Variants in B4GALT5 observed in about 807,000 individuals in gnomAD.
The protein encoded by B4GALT5 is UDP-Gal:beta-GlcNAc beta-1,4-galactosyltransferase 5.
A neutral mutation model predicts 45.0 loss-of-function variants in B4GALT5; 11 were observed. That is an observed-to-expected ratio of 0.24 (90% CI 0.15 to 0.40). The LOEUF (loss-of-function observed/expected upper bound fraction) is 0.40, where lower values mean the gene tolerates loss of function less well. Ranked by LOEUF, B4GALT5 falls within the 10% of genes least tolerant of loss-of-function variation. B4GALT5 has a pLI of 1.00. For synonymous variants in B4GALT5, 185 were observed against 182.9 expected, an observed-to-expected ratio of 1.01 and a Z score of -0.09; for missense variants, 337 against 500.2, an observed-to-expected ratio of 0.67 and a Z score of 3.11.
chr20:49,692,800 G>A (rs2085820583), intron 1 of B4GALT5, among the ~76,000 whole-genome samples: 1 of 152,102 alleles, frequency 6.6e-6, no homozygotes, highest in African/African-American at 2.4e-5. Context: ...GTTCAATTAT[G>A]TTTTTGAAAA....
Position 49,646,992 on chromosome 20 carries a change from T to C in B4GALT5, c.337A>G (p.Thr113Ala). 1.9e-6 allele frequency: 3 copies of C among 1,613,534 alleles called. No individual in the cohort carries two copies. The highest frequency in any genetic ancestry group is 2.5e-6 in the Non-Finnish European group (3 of 1,179,566). ...ATGGAAGGGAGTCTTTCAGGGCAGG[T>C]ATGGTTTGCAAAGTAGGTGAAGTCT... ...PEDFTYFANH[T>A]CPERLPSMKG... is the part of the protein sequence containing the mutation. Residue 113 changes from threonine to alanine, a missense_variant, in exon 3 of 9, where the codon ACC becomes GCC. By Grantham distance (58) the Thr-to-Ala change is moderately conservative. Around this residue, in one of 2 missense-constraint regions of B4GALT5, gnomAD observed 174 missense variants for 207.4 expected, o/e 0.84. Coordinates refer to ENST00000371711, the MANE Select transcript of B4GALT5 (RefSeq NM_004776.4).
At chr20:49,677,900 C>T (rs1315759375) in intron 1 of B4GALT5, among the ~76,000 whole-genome samples, 1 of 152,182 alleles carries the variant, frequency 6.6e-6, no homozygotes, top group African/African-American at 2.4e-5. Flanking sequence ...CATGTGCCAC[C>T]ATGCCCAGCT....
chr20:49,688,313 A>C (rs1012132742), intron 1 of B4GALT5, among the ~76,000 whole-genome samples: 12 of 152,210 alleles, frequency 7.9e-5, no homozygotes, highest in African/African-American at 2.9e-4. Context: ...TGTACTAAGA[A>C]GACAAAGATT....
At chr20:49,697,970 A>T (rs1329330937) in intron 1 of B4GALT5, among the ~76,000 whole-genome samples, 1 of 152,198 alleles carries the variant, frequency 6.6e-6, no homozygotes, top group Non-Finnish European at 1.5e-5. Flanking sequence ...GAGGTTAGAA[A>T]AATTACTTTT....
intron 1 of B4GALT5, among the ~76,000 whole-genome samples, chr20:49,669,603 G>C (rs1400824836): frequency 6.6e-6 from 1 of 151,718 alleles, no homozygotes; most frequent in Non-Finnish European, 1.5e-5. Flanking sequence ...GGCTGAGAAA[G>C]GAGAATCACT....
chr20:49,690,832 A>G (rs920064922), intron 1 of B4GALT5, among the ~76,000 whole-genome samples: 1 of 152,160 alleles, frequency 6.6e-6, no homozygotes, highest in African/African-American at 2.4e-5. Context: ...AATATCCTAG[A>G]GAAGAATCCT....
Position 49,642,518 on chromosome 20 carries a change from G to A in B4GALT5, c.556C>T (p.Pro186Ser), listed in dbSNP as rs1430069480. 6.2e-7 allele frequency: 1 copy of A among 1,614,216 alleles called. No individual in the cohort carries two copies. The highest frequency in any genetic ancestry group is 1.7e-5 in the Admixed American group (1 of 60,030). The part of the protein sequence containing the change: ...HLPVLFRHLL[P>S]MLQRQRLQFA... ...TGCAAGCGCTGGCGCTGGAGCATGGGAAGCAGGTGTCTGAACAGGACTGGG... is the reference window on the plus strand; with the variant it reads ...TGCAAGCGCTGGCGCTGGAGCATGGAAAGCAGGTGTCTGAACAGGACTGGG... Residue 186 changes from proline to serine, a missense_variant, in exon 5 of 9, where the codon CCC becomes TCC. Around this residue, in one of 2 missense-constraint regions of B4GALT5, gnomAD observed 163 missense variants for 292.8 expected, o/e 0.56. Coordinates refer to ENST00000371711, the MANE Select transcript of B4GALT5 (RefSeq NM_004776.4).
chr20:49,687,962 G>A (rs1049159941), intron 1 of B4GALT5, among the ~76,000 whole-genome samples: 7 of 152,032 alleles, frequency 4.6e-5, no homozygotes, highest in Admixed American at 1.3e-4. Flanking sequence ...GACACAATCC[G>A]GAAGGGTAAA....
intron 6 of B4GALT5, 134 bp from the exon 7 acceptor site, chr20:49,639,934 C>CAA (rs1348536839): frequency 3.2e-6 from 4 of 1,256,340 alleles, no homozygotes; most frequent in Non-Finnish European, 4.3e-6. Context: ...ATCAAATTAG[C>CAA]AAAATTAATT....
At chr20:49,651,017 C>T (rs183220655) in intron 2 of B4GALT5, among the ~76,000 whole-genome samples, 7 of 152,264 alleles carry the variant, frequency 4.6e-5, no homozygotes, top group Non-Finnish European at 8.8e-5. Context: ...GAAAAACAAG[C>T]CGGGCGCGGT....
intron 1 of B4GALT5, among the ~76,000 whole-genome samples, chr20:49,662,917 G>C (rs1671105247): frequency 6.6e-6 from 1 of 152,176 alleles, no homozygotes; most frequent in Admixed American, 6.5e-5. Flanking sequence ...TGAGTACCAT[G>C]AGACCATAAA....
At chr20:49,674,081 CAAAAAAAAAAAA>C (rs34718276) in intron 1 of B4GALT5, among the ~76,000 whole-genome samples, 9 of 94,536 alleles carry the variant, frequency 9.5e-5, no homozygotes, top group African/African-American at 2.5e-4. Flanking sequence ...ATTAAAAATA[CAAAAAAAAAAAA>C]AAAAAAAAAA....
chr20:49,645,361 A>C (rs181307676), intron 3 of B4GALT5, among the ~76,000 whole-genome samples: 71 of 152,336 alleles, frequency 4.7e-4, no homozygotes, highest in Middle Eastern at 3.4e-3. Context: ...CCTACTGCCT[A>C]GTGATGACAT....
intron 1 of B4GALT5, among the ~76,000 whole-genome samples, chr20:49,689,764 A>G (rs1245196472): frequency 6.6e-6 from 1 of 152,208 alleles, no homozygotes; most frequent in East Asian, 1.9e-4. Context: ...TGACAAATGC[A>G]CATACCTGTG....
chr20:49,693,711 C>A (rs2085825976), intron 1 of B4GALT5, among the ~76,000 whole-genome samples: 1 of 152,214 alleles, frequency 6.6e-6, no homozygotes, highest in Non-Finnish European at 1.5e-5. Flanking sequence ...CAAAAGCCTG[C>A]TGGCAGCAGT....
Position 49,634,145 on chromosome 20 carries a change from T to C in B4GALT5, c.*2167A>G, listed in dbSNP as rs1293261641. The C allele has an allele frequency of 1.3e-5, 2 of 152,644 alleles. No homozygotes were observed. Among genetic ancestry groups the C allele is most frequent in the Non-Finnish European group, 2.9e-5 (2 of 68,042 alleles). The allele number at this position is 152,644 out of a possible 1,614,324, so 9.5% of individuals were successfully genotyped here. On this transcript the variant is annotated 3_prime_UTR_variant, in exon 9 of 9. Transcript: ENST00000371711. ...ATATGAGCCGATAAGAGCTTTGCAA[T>C]GCAATTTATTTTCTAAATACCACTC...
At chr20:49,712,828 T>C (rs1457370082) in intron 1 of B4GALT5, among the ~76,000 whole-genome samples, 1 of 22,582 alleles carries the variant, frequency 4.4e-5, no homozygotes, top group Non-Finnish European at 8.2e-5. Context: ...CCCTTGTGGG[T>C]ACGCGAGGTG....
intron 1 of B4GALT5, among the ~76,000 whole-genome samples, chr20:49,668,623 C>T (rs1161651395): frequency 2.6e-5 from 4 of 152,164 alleles, no homozygotes; most frequent in South Asian, 2.1e-4. Flanking sequence ...CAGGGTATGA[C>T]GGATGTTGCT....
At position 49,656,591 on chromosome 20, in the gene B4GALT5, C is replaced by G; in HGVS notation, c.227G>C (p.Arg76Thr). The change falls in exon 2 of 9, where the codon AGG becomes ACG. Residue 76 changes from arginine (R) to threonine (T), a missense_variant. Physicochemically the swap from Arg to Thr is moderately conservative, Grantham distance 71. This residue lies in a region of B4GALT5 where 174 missense variants were observed against 207.4 expected (regional missense o/e 0.84). Coordinates refer to ENST00000371711, the MANE Select transcript of B4GALT5 (RefSeq NM_004776.4). Reference sequence around the variant, plus strand: ...ACCTGAGTCATTTACACTGCTGTTCCTCTTGGCATAAGCACTCCGAAGCAC... The same window carrying G: ...ACCTGAGTCATTTACACTGCTGTTCGTCTTGGCATAAGCACTCCGAAGCAC... ...EQVLRSAYAK[R>T]NSSVNDSDYP... 1 of 1,614,166 alleles carries G rather than the reference C, an allele frequency of 6.2e-7. No individual in the cohort carries two copies. The highest frequency in any genetic ancestry group is 8.5e-7 in the Non-Finnish European group (1 of 1,180,012).
Sources: allele counts gnomAD v4.1 joint callset (sites outside exome capture counted in the v4.1 genomes callset), GRCh38; gene constraint gnomAD v4.1.1; regional missense constraint gnomAD v4.1.1; transcripts MANE v1.5; gene names NCBI Gene and HGNC (gene_info 2026-07-23, HGNC 2026-07-21).